ANK2: variants seen among roughly 807,000 people sequenced by gnomAD.
The protein encoded by ANK2 is ankyrin 2.
A neutral mutation model predicts 360.5 loss-of-function variants in ANK2; 83 were observed. The observed-to-expected ratio is 0.23, with a 90% CI of 0.19 to 0.28. ANK2 has a LOEUF of 0.28. ANK2 is among the 10% of genes least tolerant of loss of function. ANK2 has a pLI of 1.00. For missense variants in ANK2, 4,201 were observed against 4,795.7 expected (o/e 0.88, Z 3.66); for synonymous variants, 1,740 against 1,759.5 (o/e 0.99, Z 0.28).
chr4:113,311,120 T>TTGCAG (rs2079729984), intron 23 of ANK2, 135 bp from the exon 24 acceptor site: 1 of 1,072,728 alleles, frequency 9.3e-7, no homozygotes. Context: ...TTGCTGGTGT[T>TTGCAG]CTGTGTTCTA....
intron 1 of ANK2, among the ~76,000 whole-genome samples, chr4:113,140,248 G>A (rs1262455746): frequency 1.3e-5 from 2 of 152,080 alleles, no homozygotes; most frequent in Non-Finnish European, 2.9e-5. Context: ...TGACTATGTC[G>A]GCATCGAGAA....
At chr4:113,231,145 G>A (rs1269003510) in intron 4 of ANK2, among the ~76,000 whole-genome samples, 6 of 150,632 alleles carry the variant, frequency 4.0e-5, no homozygotes, top group African/African-American at 9.8e-5. Context: ...TCCGCCTCCC[G>A]GATTCAAGCA....
At chr4:113,128,348 T>A (rs1053544028) in intron 1 of ANK2, among the ~76,000 whole-genome samples, 4 of 152,248 alleles carry the variant, frequency 2.6e-5, no homozygotes, top group African/African-American at 7.2e-5. Flanking sequence ...AATGAAATGA[T>A]GCTTTTGAAA....
chr4:113,239,430 C>T (rs1446311710), intron 7 of ANK2, among the ~76,000 whole-genome samples: 1 of 152,028 alleles, frequency 6.6e-6, no homozygotes, highest in Admixed American at 6.5e-5. Context: ...CAGTAAACAT[C>T]GTAGTTCATT....
chr4:112,832,964 G>A (rs187956398), intron 1 of ANK2, among the ~76,000 whole-genome samples: 2 of 152,326 alleles, frequency 1.3e-5, no homozygotes, highest in East Asian at 3.9e-4. Context: ...ATAGTAGGTA[G>A]CATACTATAT....
intron 18 of ANK2, among the ~76,000 whole-genome samples, chr4:113,285,394 T>C (rs1587146403): frequency 1.3e-5 from 2 of 152,280 alleles, no homozygotes; most frequent in Admixed American, 1.3e-4. Context: ...ATCACAAGTC[T>C]GGGCCTCTGA....
chr4:112,845,080 A>C (rs2062990595), intron 1 of ANK2, among the ~76,000 whole-genome samples: 1 of 152,218 alleles, frequency 6.6e-6, no homozygotes, highest in Admixed American at 6.5e-5. Flanking sequence ...TGTAGAAAGG[A>C]GTAGACATTG....
At chr4:113,324,137 T>C (rs1182431472) in intron 26 of ANK2, among the ~76,000 whole-genome samples, 3 of 152,326 alleles carry the variant, frequency 2.0e-5, no homozygotes, top group Non-Finnish European at 4.4e-5. Context: ...ATTATGCAAA[T>C]TGGTCAAGCT....
intron 42 of ANK2, 115 bp downstream of exon 42, chr4:113,367,966 A>C: frequency 7.9e-7 from 1 of 1,264,212 alleles, no homozygotes; most frequent in Non-Finnish European, 1.1e-6. Context: ...GACCCTACCA[A>C]ACACAAGTGC....
At chr4:113,018,414 A>G (rs938121122) in intron 2 of ANK2, among the ~76,000 whole-genome samples, 1 of 152,258 alleles carries the variant, frequency 6.6e-6, no homozygotes, top group African/African-American at 2.4e-5. Flanking sequence ...AATCAATGTC[A>G]TAGGAGTTGG....
intron 1 of ANK2, among the ~76,000 whole-genome samples, chr4:112,899,638 A>G (rs1433043015): frequency 6.6e-6 from 1 of 152,194 alleles, no homozygotes; most frequent in Non-Finnish European, 1.5e-5. Flanking sequence ...TATCCATCAC[A>G]TCTTCAGTTT....
In ANK2 at chr4:113,336,702, C is replaced by T. The variant is rs774576241; in HGVS notation, c.3717C>T (p.Val1239=). 1 of 1,614,112 alleles carries T rather than the reference C, an allele frequency of 6.2e-7. No individual in the cohort carries two copies. The highest frequency in any genetic ancestry group is 1.1e-5 in the South Asian group (1 of 91,080). ...AACCAATTACCATGACCATTCCTGTCCCCAAAGCTTCAAGTGATGTCATGT... is the reference window on the plus strand; with the variant it reads ...AACCAATTACCATGACCATTCCTGTTCCCAAAGCTTCAAGTGATGTCATGT... ...FHKPITMTIP[V]PKASSDVMLN... The change falls in exon 31 of 46, where the codon GTC becomes GTT. Residue 1239 remains valine (V), a synonymous_variant. Transcript: ENST00000357077.
chr4:112,707,450 T>C, the ANK2 span, among the ~76,000 whole-genome samples: 23,643 of 152,184 alleles, frequency 0.16, 1,905 homozygotes, highest in East Asian at 0.28. Context: ...CCTTGTAGAA[T>C]CTAGGACTCT....
In ANK2 at chr4:113,367,963, C is replaced by T. The variant is rs1048335956; in HGVS notation, c.11318+112C>T. ...TTAAATACTTTTTAAAATGACCCTA[C>T]CAAACACAAGTGCCAGAGCTAAAGG... On this transcript the variant is annotated intron_variant, in intron 42 of 45. Transcript: ENST00000357077. The T allele has an allele frequency of 6.2e-5, 81 of 1,310,626 alleles. No individual in the cohort carries two copies. In the African/African-American group the frequency reaches 1.0e-3, roughly 16 times the overall value. The allele number at this position is 1,310,626 out of a possible 1,614,324, so 81.2% of individuals were successfully genotyped here. A position where few individuals can be genotyped will look rare whatever the true frequency, so the allele number is the denominator to read the frequency against.
intron 1 of ANK2, among the ~76,000 whole-genome samples, chr4:113,137,615 C>A (rs1165314103): frequency 6.6e-6 from 1 of 152,104 alleles, no homozygotes; most frequent in South Asian, 2.1e-4. Context: ...CATTTTAAAT[C>A]ATATTTATAT....
chr4:113,007,394 A>T (rs1044307019), intron 2 of ANK2, among the ~76,000 whole-genome samples: 23 of 152,144 alleles, frequency 1.5e-4, no homozygotes, highest in African/African-American at 5.5e-4. Context: ...TCCTTGCCTG[A>T]TGACAACTAC....
At chr4:112,859,570 C>G (rs1304227729) in intron 1 of ANK2, among the ~76,000 whole-genome samples, 1 of 152,192 alleles carries the variant, frequency 6.6e-6, no homozygotes. Flanking sequence ...TTTTACCCCT[C>G]CATTATCTCT....
At chr4:113,192,834 C>T (rs894576064) in intron 2 of ANK2, among the ~76,000 whole-genome samples, 1 of 151,112 alleles carries the variant, frequency 6.6e-6, no homozygotes, top group Non-Finnish European at 1.5e-5. Context: ...AGTAAGATTC[C>T]GAAGACCAAT....
intron 18 of ANK2, among the ~76,000 whole-genome samples, chr4:113,283,957 A>G (rs2063397945): frequency 6.6e-6 from 1 of 152,268 alleles, no homozygotes; most frequent in Non-Finnish European, 1.5e-5. Context: ...GCTATGAAAC[A>G]GGCAGATTGC....
Sources: gnomAD v4.1 joint callset for allele counts (sites outside exome capture counted in the v4.1 genomes callset) on GRCh38, gnomAD v4.1.1 for gene constraint, MANE v1.5 for transcripts, NCBI Gene and HGNC (gene_info 2026-07-23, HGNC 2026-07-21) for gene names.